The following ARHGAP6 variants were observed in gnomAD, a reference collection of about 807,000 sequenced individuals.
The protein encoded by ARHGAP6 is rho GTPase-activating protein 6.
ARHGAP6 carries 16 observed loss-of-function variants against 55.7 expected under a neutral mutation model. The ratio of observed to expected loss-of-function variants is 0.29; its 90% CI spans 0.19 to 0.44. The LOEUF (loss-of-function observed/expected upper bound fraction) is 0.44, where lower values mean the gene tolerates loss of function less well. ARHGAP6 is among the 20% of genes least tolerant of loss of function. The pLI is 1.00. For synonymous variants in ARHGAP6, 382 were observed against 360.9 expected (o/e 1.06, Z -0.66); for missense variants, 698 against 808.9 (o/e 0.86, Z 1.66).
At chrX:11,358,434 T>TTTC (rs1491529116) in intron 1 of ARHGAP6, among the ~76,000 whole-genome samples, 2 of 25,587 alleles carry the variant, frequency 7.8e-5, no homozygotes, top group Non-Finnish European at 1.3e-4. Flanking sequence ...TAACTGTATC[T>TTTC]TTCTTTCTTT....
intron 1 of ARHGAP6, among the ~76,000 whole-genome samples, chrX:11,599,300 T>C (rs929314746): frequency 9.0e-6 from 1 of 111,623 alleles, no homozygotes; most frequent in Non-Finnish European, 1.9e-5. Context: ...TATATGATAG[T>C]TCTATTTTTT....
At chrX:11,366,489 T>C (rs2049079605) in intron 1 of ARHGAP6, among the ~76,000 whole-genome samples, 2 of 111,817 alleles carry the variant, frequency 1.8e-5, no homozygotes, top group African/African-American at 6.5e-5. Flanking sequence ...GATAGAGAGA[T>C]AGCAGAAACC....
At chrX:11,406,611 T>A (rs1188308764) in intron 1 of ARHGAP6, among the ~76,000 whole-genome samples, 1 of 111,258 alleles carries the variant, frequency 9.0e-6, no homozygotes, top group Non-Finnish European at 1.9e-5. Context: ...CATCCTAGTA[T>A]CCTGTGGTTG....
chrX:11,578,730 C>T (rs752951409), intron 1 of ARHGAP6, among the ~76,000 whole-genome samples: 28 of 111,384 alleles, frequency 2.5e-4, no homozygotes, highest in Non-Finnish European at 4.7e-4. Flanking sequence ...CATTTGCACA[C>T]GTATGTTTAT....
intron 1 of ARHGAP6, among the ~76,000 whole-genome samples, chrX:11,514,663 G>A (rs766677297): frequency 5.4e-5 from 6 of 110,984 alleles, no homozygotes; most frequent in African/African-American, 9.8e-5. Flanking sequence ...GGCTTCACTC[G>A]TCTAGTTATC....
At chrX:11,631,621 A>G (rs1333102904) in intron 1 of ARHGAP6, among the ~76,000 whole-genome samples, 1 of 111,705 alleles carries the variant, frequency 9.0e-6, no homozygotes, top group Non-Finnish European at 1.9e-5. Flanking sequence ...AGAGATCACA[A>G]ACTACGGGCA....
chrX:11,427,964 G>T (rs1193013361), intron 1 of ARHGAP6, among the ~76,000 whole-genome samples: 1 of 112,284 alleles, frequency 8.9e-6, no homozygotes, highest in Non-Finnish European at 1.9e-5. Context: ...GGGGGCTGCG[G>T]AGGCCGAACG....
At chrX:11,486,760 T>G (rs1433421387) in intron 1 of ARHGAP6, among the ~76,000 whole-genome samples, 1 of 111,703 alleles carries the variant, frequency 9.0e-6, no homozygotes, top group Non-Finnish European at 1.9e-5. Flanking sequence ...CACAGGGGAA[T>G]GATGATGCTG....
intron 1 of ARHGAP6, among the ~76,000 whole-genome samples, chrX:11,362,078 C>T (rs1012114107): frequency 1.8e-5 from 2 of 111,785 alleles, no homozygotes; most frequent in Non-Finnish European, 3.8e-5. Flanking sequence ...TAGTTCAACC[C>T]TTGTGGAAGT....
At chrX:11,154,873 A>G (rs1183599490) in intron 10 of ARHGAP6, among the ~76,000 whole-genome samples, 1 of 112,515 alleles carries the variant, frequency 8.9e-6, no homozygotes, top group African/African-American at 3.2e-5. Flanking sequence ...TAGCTCATCT[A>G]TACAATTTGA....
chrX:11,663,107 T>C (rs1448842647), intron 1 of ARHGAP6, among the ~76,000 whole-genome samples: 1 of 112,476 alleles, frequency 8.9e-6, no homozygotes, highest in African/African-American at 3.2e-5. Flanking sequence ...CTAACATTAA[T>C]AATATGTGAT....
At chrX:11,620,698 G>T (rs1036937168) in intron 1 of ARHGAP6, among the ~76,000 whole-genome samples, 1 of 112,321 alleles carries the variant, frequency 8.9e-6, no homozygotes, top group African/African-American at 3.2e-5. Flanking sequence ...GGTTATCAAG[G>T]GGGAGTCAGT....
At chrX:11,541,191 G>A (rs1174924371) in intron 1 of ARHGAP6, among the ~76,000 whole-genome samples, 1 of 112,091 alleles carries the variant, frequency 8.9e-6, no homozygotes, top group South Asian at 3.7e-4. Context: ...GGGCTGGTCA[G>A]GGGAAAGAGG....
chrX:11,282,335 C>G (rs1483657166), intron 1 of ARHGAP6, among the ~76,000 whole-genome samples: 1 of 111,780 alleles, frequency 8.9e-6, no homozygotes. Flanking sequence ...ATCAAGAGAC[C>G]ATAAAAGACA....
intron 1 of ARHGAP6, among the ~76,000 whole-genome samples, chrX:11,514,025 G>A (rs2050810065): frequency 9.2e-6 from 1 of 108,794 alleles, no homozygotes; most frequent in African/African-American, 3.4e-5. Flanking sequence ...AGCCAGGGGT[G>A]GTGACACATG....
intron 1 of ARHGAP6, among the ~76,000 whole-genome samples, chrX:11,576,035 G>A (rs2051593347): frequency 8.9e-6 from 1 of 112,004 alleles, no homozygotes; most frequent in Non-Finnish European, 1.9e-5. Context: ...TTAATGTGCT[G>A]ATGGTTCAGA....
At chrX:11,378,049 G>C (rs1394764130) in intron 1 of ARHGAP6, among the ~76,000 whole-genome samples, 2 of 111,522 alleles carry the variant, frequency 1.8e-5, no homozygotes, top group Non-Finnish European at 3.8e-5. Context: ...TAGGCTGTGT[G>C]GCACATGTGG....
chrX:11,572,593 G>A (rs1233479434), intron 1 of ARHGAP6, among the ~76,000 whole-genome samples: 1 of 111,417 alleles, frequency 9.0e-6, no homozygotes, highest in Non-Finnish European at 1.9e-5. Context: ...TATCATTGTT[G>A]GACATTTGGG....
At chrX:11,257,219 C>A (rs1348005307) in intron 1 of ARHGAP6, among the ~76,000 whole-genome samples, 1 of 111,753 alleles carries the variant, frequency 8.9e-6, no homozygotes, top group African/African-American at 3.3e-5. Flanking sequence ...TAGGTACCTA[C>A]GGGAGCTGAC....
Sources: allele counts gnomAD v4.1 joint callset (sites outside exome capture counted in the v4.1 genomes callset), GRCh38; gene constraint gnomAD v4.1.1; transcripts MANE v1.5; gene names NCBI Gene and HGNC (gene_info 2026-07-23, HGNC 2026-07-21).